CNTN1: variants seen among roughly 807,000 people sequenced by gnomAD.
CNTN1 encodes the protein contactin-1.
In CNTN1, 38 loss-of-function variants were observed where a neutral mutation model predicts 126.4. That is an observed-to-expected ratio of 0.30 (90% CI 0.23 to 0.39). CNTN1 has a LOEUF of 0.39. CNTN1 is among the 10% of genes least tolerant of loss of function. CNTN1 has a pLI of 1.00. For missense variants in CNTN1, 1,009 were observed against 1,248.4 expected (o/e 0.81, Z 2.89); for synonymous variants, 413 against 422.6 (o/e 0.98, Z 0.28).
chr12:40,915,594 T>C (rs1228646696), intron 3 of CNTN1, among the ~76,000 whole-genome samples: 1 of 152,120 alleles, frequency 6.6e-6, no homozygotes, highest in Non-Finnish European at 1.5e-5. Context: ...CTAAAAAATC[T>C]TTCCAATGTG....
rs1413014059 is a variant in CNTN1, at chr12:41,015,149, G to A, written c.2184+851G>A. 2.0e-5 allele frequency among the ~76,000 whole-genome samples: 3 copies of A among 151,882 alleles called. No individual in the cohort carries two copies. In the East Asian group the frequency reaches 5.8e-4, roughly 29 times the overall value. On this transcript the variant is annotated intron_variant, in intron 18 of 23. Coordinates refer to ENST00000551295, the MANE Select transcript of CNTN1 (RefSeq NM_001843.4). The stretch of plus-strand genomic sequence containing the variant: ...AACTTGACTCACTGTGTGCTTTGTA[G>A]TCATTTTCTATACTTAGCATTTAAA...
At chr12:40,895,798 C>A (rs1380311396) in intron 1 of CNTN1, among the ~76,000 whole-genome samples, 1 of 149,310 alleles carries the variant, frequency 6.7e-6, no homozygotes, top group Non-Finnish European at 1.5e-5. Flanking sequence ...GGCTCTGTCG[C>A]CCAGGCTGGA....
intron 1 of CNTN1, among the ~76,000 whole-genome samples, chr12:40,757,830 A>G (rs914380022): frequency 6.6e-6 from 1 of 152,158 alleles, no homozygotes; most frequent in Admixed American, 6.5e-5. Flanking sequence ...ATAATCAAAT[A>G]TCTTTATATT....
intron 1 of CNTN1, among the ~76,000 whole-genome samples, chr12:40,843,188 C>T (rs933533232): frequency 1.3e-5 from 2 of 152,114 alleles, no homozygotes; most frequent in African/African-American, 4.8e-5. Flanking sequence ...CAATCCCCCT[C>T]CTACCAGTAA....
At chr12:40,703,462 T>C (rs1245284236) in intron 1 of CNTN1, among the ~76,000 whole-genome samples, 1 of 152,224 alleles carries the variant, frequency 6.6e-6, no homozygotes, top group Non-Finnish European at 1.5e-5. Context: ...TACGTAATTT[T>C]GGAAAATTTA....
At chr12:40,840,708 A>C (rs1287476378) in intron 1 of CNTN1, among the ~76,000 whole-genome samples, 1 of 152,028 alleles carries the variant, frequency 6.6e-6, no homozygotes, top group Non-Finnish European at 1.5e-5. Context: ...AAAAGTAAAC[A>C]ACAAGCTCCT....
At chr12:40,820,185 G>A (rs79225372) in intron 1 of CNTN1, among the ~76,000 whole-genome samples, 14,994 of 152,242 alleles carry the variant, frequency 0.098, 845 homozygotes, top group Non-Finnish European at 0.13. Flanking sequence ...AAGAAAGAGA[G>A]AGGGTGAGGA....
chr12:41,015,016 A>G (rs1178172485), intron 18 of CNTN1, among the ~76,000 whole-genome samples: 1 of 152,176 alleles, frequency 6.6e-6, no homozygotes, highest in Non-Finnish European at 1.5e-5. Context: ...CAGATAGTCA[A>G]AGAGCACAAT....
intron 3 of CNTN1, among the ~76,000 whole-genome samples, chr12:40,912,034 A>T (rs940779009): frequency 5.9e-5 from 9 of 152,254 alleles, no homozygotes; most frequent in Non-Finnish European, 1.2e-4. Flanking sequence ...AAAAAGTTAT[A>T]TCCAATATGT....
At chr12:40,925,533 G>C (rs998883872) in intron 6 of CNTN1, among the ~76,000 whole-genome samples, 1 of 138,980 alleles carries the variant, frequency 7.2e-6, no homozygotes, top group East Asian at 2.0e-4. Context: ...ATGAAATTGT[G>C]TGTGTGTGTG....
chr12:40,741,903 C>T (rs1267973840), intron 1 of CNTN1, among the ~76,000 whole-genome samples: 3 of 126,838 alleles, frequency 2.4e-5, no homozygotes, highest in Non-Finnish European at 5.1e-5. Flanking sequence ...TACATTTGAA[C>T]TTGCTATTAT....
intron 1 of CNTN1, among the ~76,000 whole-genome samples, chr12:40,709,907 T>G (rs1458269946): frequency 6.6e-6 from 1 of 152,182 alleles, no homozygotes; most frequent in African/African-American, 2.4e-5. Context: ...ATAAGTCTGA[T>G]TGTCTTTCTT....
intron 1 of CNTN1, among the ~76,000 whole-genome samples, chr12:40,894,271 C>T (rs1425155949): frequency 1.3e-5 from 2 of 152,130 alleles, no homozygotes; most frequent in Non-Finnish European, 1.5e-5. Context: ...ACTGGCACTT[C>T]ACTGCATTGA....
chr12:40,755,760 G>T (rs929377565), intron 1 of CNTN1, among the ~76,000 whole-genome samples: 8 of 151,938 alleles, frequency 5.3e-5, no homozygotes, highest in Non-Finnish European at 1.2e-4. Flanking sequence ...GTAGGTGAGA[G>T]GGATAAGATC....
chr12:40,701,498 A>G (rs1344121067), intron 1 of CNTN1, among the ~76,000 whole-genome samples: 1 of 152,126 alleles, frequency 6.6e-6, no homozygotes, highest in Non-Finnish European at 1.5e-5. Context: ...AGACAAGATG[A>G]ATATTATAAA....
At chr12:40,955,923 C>T (rs531033130) in intron 14 of CNTN1, among the ~76,000 whole-genome samples, 8 of 152,104 alleles carry the variant, frequency 5.3e-5, no homozygotes, top group African/African-American at 1.9e-4. Flanking sequence ...AAAGTTTTGA[C>T]GTGAGAACAC....
chr12:40,841,262 A>G (rs2136582454), intron 1 of CNTN1, among the ~76,000 whole-genome samples: 1 of 152,188 alleles, frequency 6.6e-6, no homozygotes, highest in Middle Eastern at 3.4e-3. Flanking sequence ...CAGACCAATA[A>G]CAAGTAGCAA....
At chr12:40,911,337 C>G (rs749501386) in intron 3 of CNTN1, among the ~76,000 whole-genome samples, 19 of 152,254 alleles carry the variant, frequency 1.2e-4, no homozygotes, top group South Asian at 2.1e-4. Context: ...GCCTTAGCCT[C>G]CCAAAGAGCT....
chr12:40,822,649 C>T (rs1941489352), intron 1 of CNTN1, among the ~76,000 whole-genome samples: 1 of 152,044 alleles, frequency 6.6e-6, no homozygotes, highest in South Asian at 2.1e-4. Context: ...CAAATTCTGT[C>T]TTATTCCTTA....
Sources: allele counts gnomAD v4.1 joint callset (sites outside exome capture counted in the v4.1 genomes callset), GRCh38; gene constraint gnomAD v4.1.1; transcripts MANE v1.5; gene names NCBI Gene and HGNC (gene_info 2026-07-23, HGNC 2026-07-21).